PLA2R1: variants seen among roughly 807,000 people sequenced by gnomAD.
The protein encoded by PLA2R1 is secretory phospholipase A2 receptor.
In PLA2R1, 158 loss-of-function variants were observed where a neutral mutation model predicts 195.9. That is an observed-to-expected ratio of 0.81 (90% CI 0.71 to 0.92). The LOEUF is 0.92. PLA2R1 is among the 40% of genes least tolerant of loss of function. The probability of loss-of-function intolerance (pLI) is 0.00; values close to 1 mark genes in which losing one functional copy is unlikely to be tolerated. For synonymous variants in PLA2R1, 586 were observed against 598.2 expected (o/e 0.98, Z 0.30); for missense variants, 1,626 against 1,764.6 (o/e 0.92, Z 1.41).
At chr2:159,958,714 C>T (rs1688258694) in intron 20 of PLA2R1, among the ~76,000 whole-genome samples, 2 of 152,112 alleles carry the variant, frequency 1.3e-5, no homozygotes. Flanking sequence ...ACAATTTTGC[C>T]CCTCAGGGTA....
At chr2:159,924,469 G>A in the PLA2R1 span, among the ~76,000 whole-genome samples, 1 of 152,182 alleles carries the variant, frequency 6.6e-6, no homozygotes, top group Non-Finnish European at 1.5e-5. Flanking sequence ...CTGCTCCTGA[G>A]CTGCGAGGAG....
intron 11 of PLA2R1, among the ~76,000 whole-genome samples, chr2:159,990,092 G>A (rs1381856224): frequency 7.9e-5 from 12 of 152,140 alleles, no homozygotes. Context: ...GTATAATAAA[G>A]GGAGACCAGG....
rs1692490345 is a variant in PLA2R1 at position 160,013,318 on chromosome 2, C to T, written c.1609G>A (p.Asp537Asn). 1 of 1,611,894 alleles carries T rather than the reference C, an allele frequency of 6.2e-7. No individual in the cohort carries two copies. Among genetic ancestry groups the T allele is most frequent in the African/African-American group, 1.3e-5 (1 of 74,874 alleles). Residue 537 changes from aspartate (D) to asparagine (N), a missense_variant, in exon 10 of 30, where the codon GAC becomes AAC. By Grantham distance (23) the Asp-to-Asn change is conservative. Transcript: ENST00000283243. ...CAGTAATAACCGCTGGAAGCTTGGT[C>T]AAAGCTTCGAAGGACTGTGTCAATT... ...YKIDTVLRSF[D>N]QASSGYYCPP...
At chr2:160,047,459 T>C (rs576568112) in intron 1 of PLA2R1, among the ~76,000 whole-genome samples, 1 of 152,348 alleles carries the variant, frequency 6.6e-6, no homozygotes, top group South Asian at 2.1e-4. Context: ...GCTTCTCTTC[T>C]TACACTGTTA....
chr2:159,958,738 C>T (rs1349767922), intron 20 of PLA2R1, among the ~76,000 whole-genome samples: 2 of 152,172 alleles, frequency 1.3e-5, no homozygotes, highest in African/African-American at 4.8e-5. Context: ...TTTGATAATG[C>T]CTGCAGATAT....
intron 17 of PLA2R1, among the ~76,000 whole-genome samples, chr2:159,975,438 A>G (rs1218326240): frequency 5.9e-5 from 9 of 152,148 alleles, no homozygotes; most frequent in Admixed American, 5.9e-4. Context: ...TTCTGCAAGG[A>G]ATTAAGTAGC....
At chr2:159,986,022 C>T (rs1055035325) in intron 12 of PLA2R1, among the ~76,000 whole-genome samples, 1 of 152,102 alleles carries the variant, frequency 6.6e-6, no homozygotes, top group Non-Finnish European at 1.5e-5. Context: ...CCTCAGCTGT[C>T]ATGCAAAGTG....
At chr2:159,981,895 T>A (rs1689981254) in intron 13 of PLA2R1, among the ~76,000 whole-genome samples, 1 of 152,152 alleles carries the variant, frequency 6.6e-6, no homozygotes, top group Non-Finnish European at 1.5e-5. Flanking sequence ...CCTAGGCTGA[T>A]CTTGAATTCC....
At chr2:159,928,765 T>G (rs1686533495), downstream of PLA2R1, among the ~76,000 whole-genome samples, 1 of 152,128 alleles carries the variant, frequency 6.6e-6, no homozygotes, top group Middle Eastern at 3.2e-3. Flanking sequence ...TATAAGGCCA[T>G]AGTCACCAAA....
At chr2:159,991,488 G>A (rs1353988412) in intron 11 of PLA2R1, among the ~76,000 whole-genome samples, 1 of 141,732 alleles carries the variant, frequency 7.1e-6, no homozygotes, top group East Asian at 2.1e-4. Context: ...TATACTTTAA[G>A]TTTTAGGGTA....
Position 160,044,900 on chromosome 2 carries a change from T to G in PLA2R1, c.367A>C (p.Thr123Pro). ...TGGACAGAGTACTGCAGCGGGCCTG[T>G]GATCATCTTCCTGTTACAGCGCCAC... ...LRWRCNRKMI[T>P]GPLQYSVQVA... The change falls in exon 2 of 30, where the codon ACA (threonine) becomes CCA (proline). Residue 123 changes from threonine to proline, a missense_variant. Physicochemically the swap from Thr to Pro is conservative, Grantham distance 38. Transcript: ENST00000283243. The G allele has an allele frequency of 6.2e-7, 1 of 1,614,172 alleles. No individual in the cohort carries two copies.
intron 12 of PLA2R1, among the ~76,000 whole-genome samples, chr2:159,985,975 T>G (rs1690297151): frequency 6.6e-6 from 1 of 152,104 alleles, no homozygotes; most frequent in African/African-American, 2.4e-5. Context: ...AGGTGGCACC[T>G]GGGATATAAA....
chr2:159,996,163 C>A (rs1357370406), intron 11 of PLA2R1, among the ~76,000 whole-genome samples: 6 of 152,188 alleles, frequency 3.9e-5, no homozygotes, highest in African/African-American at 1.4e-4. Flanking sequence ...GCTTCTATAT[C>A]ATTTTCCTTC....
chr2:160,056,115 C>T (rs1432617964), intron 1 of PLA2R1, among the ~76,000 whole-genome samples: 1 of 152,170 alleles, frequency 6.6e-6, no homozygotes, highest in African/African-American at 2.4e-5. Context: ...TCGATGCTTT[C>T]CCCACTGCAG....
intron 1 of PLA2R1, among the ~76,000 whole-genome samples, chr2:160,054,390 C>T (rs1024921706): frequency 6.6e-6 from 1 of 152,106 alleles, no homozygotes; most frequent in Non-Finnish European, 1.5e-5. Flanking sequence ...AAATAAAAGC[C>T]AATCTTAACT....
chr2:159,937,780 T>C lies in PLA2R1; in HGVS notation c.*3998A>G, dbSNP rs540849850. Reference sequence around the variant, plus strand: ...TATGAACATGGGGCAAAATAACTCATTTCTAAGTCATCGCTTCAACTTTAA... The same window carrying C: ...TATGAACATGGGGCAAAATAACTCACTTCTAAGTCATCGCTTCAACTTTAA... On this transcript the variant is annotated 3_prime_UTR_variant, in exon 30 of 30. Coordinates refer to ENST00000283243, the MANE Select transcript of PLA2R1 (RefSeq NM_007366.5). 2.6e-5 allele frequency: 4 copies of C among 152,338 alleles called. No individual in the cohort carries two copies. The highest frequency in any genetic ancestry group is 9.6e-5 in the African/African-American group (4 of 41,594). The allele number at this position is 152,338 out of a possible 1,614,324, so 9.4% of individuals were successfully genotyped here.
At chr2:159,995,246 C>T (rs1396008105) in intron 11 of PLA2R1, among the ~76,000 whole-genome samples, 2 of 152,024 alleles carry the variant, frequency 1.3e-5, no homozygotes, top group Non-Finnish European at 2.9e-5. Context: ...ATTTACTCAG[C>T]GTCAATCAGC....
In PLA2R1 at chr2:160,062,448, CTTATCCCGGGAGCCCA is replaced by C. The variant is rs1225060772; in HGVS notation, c.-61_-46del. On this transcript the variant is annotated 5_prime_UTR_variant, in exon 1 of 30. Coordinates refer to ENST00000283243, the MANE Select transcript of PLA2R1 (RefSeq NM_007366.5). The stretch of plus-strand genomic sequence containing the variant: ...CGGGAGCCCCTTGTCCCGGGAGCCC[CTTATCCCGGGAGCCCA>C]GAGCCGCGTCCCAAGCACCCGGCCC... The C allele has an allele frequency of 8.0e-6, 12 of 1,503,028 alleles. No homozygotes were observed. The South Asian group carries it at 1.4e-4, about 17-fold the overall frequency. The allele number at this position is 1,503,028 out of a possible 1,614,324, so 93.1% of individuals were successfully genotyped here.
In PLA2R1 at chr2:160,022,747, A is replaced by G; in HGVS notation, c.1212T>C (p.Arg404=). The part of the protein sequence containing the change: ...KEEKTWHEAL[R]SCQADNSALI... ...ATGCACTGTTATCAGCCTGACAAGA[A>G]CGCAGAGCCTCATGCCAGGTCTTTT... is the stretch of plus-strand genomic sequence containing the variant. The change falls in exon 7 of 30, where the codon CGT becomes CGC. Residue 404 remains arginine, a synonymous_variant. Coordinates refer to ENST00000283243, the MANE Select transcript of PLA2R1 (RefSeq NM_007366.5). 1.2e-6 allele frequency: 2 copies of G among 1,613,412 alleles called. No individual in the cohort carries two copies.
Sources: allele counts gnomAD v4.1 joint callset (sites outside exome capture counted in the v4.1 genomes callset), GRCh38; gene constraint gnomAD v4.1.1; transcripts MANE v1.5; gene names NCBI Gene and HGNC (gene_info 2026-07-23, HGNC 2026-07-21).